The following CTDP1 variants were observed in gnomAD, a reference collection of about 807,000 sequenced individuals.
The protein encoded by CTDP1 is CTD phosphatase 1, also known as RNA polymerase II subunit A C-terminal domain phosphatase.
A neutral mutation model predicts 91.8 loss-of-function variants in CTDP1; 47 were observed. That is an observed-to-expected ratio of 0.51 (90% confidence interval 0.41 to 0.65). The LOEUF (loss-of-function observed/expected upper bound fraction) is 0.65, where lower values mean the gene tolerates loss of function less well. Ranked by LOEUF, CTDP1 falls within the 30% of genes least tolerant of loss-of-function variation. The pLI, the probability that CTDP1 is intolerant of heterozygous loss-of-function variation, is 0.00. For synonymous variants in CTDP1, 656 were observed against 598.5 expected (o/e 1.10, Z -1.40); for missense variants, 1,272 against 1,373.7 (o/e 0.93, Z 1.17).
chr18:79,680,349 G>T lies in CTDP1; in HGVS notation c.314+88G>T, dbSNP rs1435035752. On this transcript the variant is annotated intron_variant, in intron 1 of 12. Transcript: ENST00000613122. ...CCCCGGGCTGCTGCGTCCGCGGTGG[G>T]CAGGGGCGCCCCTGGTGAGGGAGCG... is the stretch of plus-strand genomic sequence containing the variant. 12 of 1,096,278 alleles carry T rather than the reference G, an allele frequency of 1.1e-5. No homozygotes were observed. In the South Asian group the frequency reaches 1.2e-4, roughly 11 times the overall value. The allele number at this position is 1,096,278 out of a possible 1,614,324, so 67.9% of individuals were successfully genotyped here.
intron 11 of CTDP1, 98 bp downstream of exon 11, chr18:79,729,167 C>T: frequency 5.3e-6 from 8 of 1,499,176 alleles, no homozygotes; most frequent in Non-Finnish European, 7.4e-6. Context: ...CACCTGGAGG[C>T]CGAGCTAGAG....
In CTDP1 at chr18:79,729,024, G is replaced by A. The variant is rs377764231; in HGVS notation, c.2535G>A (p.Pro845=). The change falls in exon 11 of 13, where the codon CCG becomes CCA. Residue 845 remains proline (P), a synonymous_variant. Coordinates refer to ENST00000613122, the MANE Select transcript of CTDP1 (RefSeq NM_004715.5). ...KRQPSMSETM[P]LYTLCKEDLE... ...AGCCCAGTATGTCTGAGACAATGCCGCTGTACACTCTTTGTAAGGAGGATT... is the reference window on the plus strand; with the variant it reads ...AGCCCAGTATGTCTGAGACAATGCCACTGTACACTCTTTGTAAGGAGGATT... 1.0e-4 allele frequency: 166 copies of A among 1,613,904 alleles called. 2 individuals carry two copies. In the South Asian group the frequency reaches 1.6e-3, roughly 16 times the overall value.
chr18:79,688,572 G>C (rs1484461690), intron 1 of CTDP1, among the ~76,000 whole-genome samples: 2 of 151,330 alleles, frequency 1.3e-5, no homozygotes, highest in African/African-American at 4.9e-5. Context: ...ACTAATTTTT[G>C]TATTTTTAGT....
chr18:79,747,344 A>G (rs2086901685), intron 12 of CTDP1, among the ~76,000 whole-genome samples: 2 of 152,104 alleles, frequency 1.3e-5, no homozygotes, highest in South Asian at 4.1e-4. Flanking sequence ...GAGCATGACA[A>G]TGTTCACACC....
chr18:79,698,440 C>T (rs2085790991), intron 4 of CTDP1, among the ~76,000 whole-genome samples: 1 of 152,082 alleles, frequency 6.6e-6, no homozygotes. Context: ...GAGGAAAAGC[C>T]TGGGTGGGAG....
intron 12 of CTDP1, among the ~76,000 whole-genome samples, chr18:79,744,632 G>C (rs1344479585): frequency 6.6e-6 from 1 of 152,222 alleles, no homozygotes; most frequent in Non-Finnish European, 1.5e-5. Flanking sequence ...GCTTTATAAT[G>C]ATAACGGATG....
At chr18:79,698,060 T>G (rs1229643037) in intron 4 of CTDP1, 72 bp downstream of exon 4, 1 of 1,586,308 alleles carries the variant, frequency 6.3e-7, no homozygotes, top group African/African-American at 1.3e-5. Context: ...CAGAAGTGTG[T>G]TCTCTTGTTT....
rs1279963716 is a variant in CTDP1 at position 79,695,101 on chromosome 18, A to T, written c.315-124A>T. On this transcript the variant is annotated intron_variant, in intron 1 of 12. Transcript: ENST00000613122. ...CCTCAAGGGGTGATGTCACCTGCCT[A>T]CAAAGTTATGCAAGGGTTAGTGTAG... 6 of 862,706 alleles carry T rather than the reference A, an allele frequency of 7.0e-6. No homozygotes were observed. The Admixed American group carries it at 1.0e-4, about 14-fold the overall frequency. The allele number at this position is 862,706 out of a possible 1,614,324, so 53.4% of individuals were successfully genotyped here. A position where few individuals can be genotyped will look rare whatever the true frequency, so the allele number is the denominator to read the frequency against.
At chr18:79,712,844 G>A in intron 6 of CTDP1, 128 bp from the exon 7 acceptor site, 1 of 970,378 alleles carries the variant, frequency 1.0e-6, no homozygotes, top group Non-Finnish European at 1.6e-6. Context: ...GGCGGTTGGT[G>A]TCCGTCTGAT....
intron 12 of CTDP1, among the ~76,000 whole-genome samples, chr18:79,742,310 G>A (rs1461285788): frequency 6.6e-6 from 1 of 151,724 alleles, no homozygotes; most frequent in Non-Finnish European, 1.5e-5. Flanking sequence ...GGCAGCAGAG[G>A]AGGCATGAGG....
At chr18:79,724,170 A>G (rs1461791650) in intron 10 of CTDP1, among the ~76,000 whole-genome samples, 1 of 152,258 alleles carries the variant, frequency 6.6e-6, no homozygotes, top group African/African-American at 2.4e-5. Flanking sequence ...TCATCAGAGC[A>G]TTCGGATTTG....
intron 4 of CTDP1, among the ~76,000 whole-genome samples, 160 bp from the exon 5 acceptor site, chr18:79,704,607 C>T (rs1024345708): frequency 1.3e-4 from 19 of 151,304 alleles, no homozygotes; most frequent in African/African-American, 2.7e-4. Flanking sequence ...CTCAGGCACC[C>T]GTGTGTCTTC....
Position 79,696,082 on chromosome 18 carries a change from A to T in CTDP1, c.492+12A>T. 6.2e-7 allele frequency: 1 copy of T among 1,609,124 alleles called. No individual in the cohort carries two copies. The highest frequency in any genetic ancestry group is 8.5e-7 in the Non-Finnish European group (1 of 1,179,468). On this transcript the variant is annotated intron_variant, in intron 3 of 12. Transcript: ENST00000613122. ...TGGTGAGCTCCGAGGTGAGCCGGGC[A>T]TCAGTGGCGGCGTGTTGGGGAAGCG...
rs535029110 is a variant in CTDP1 at position 79,754,122 on chromosome 18, A to T, written c.*332A>T. On this transcript the variant is annotated 3_prime_UTR_variant, in exon 13 of 13. Transcript: ENST00000613122. The stretch of plus-strand genomic sequence containing the variant: ...GTTTTCCCCTTGTGTACCAGAGCAC[A>T]TTCCTTAGGGGACGGCTTTGGGGGT... 5.1e-6 allele frequency: 2 copies of T among 395,548 alleles called. No individual in the cohort carries two copies. Among genetic ancestry groups the T allele is most frequent in the Non-Finnish European group, 9.6e-6 (2 of 207,844 alleles). The allele number at this position is 395,548 out of a possible 1,614,324, so 24.5% of individuals were successfully genotyped here. A position where few individuals can be genotyped will look rare whatever the true frequency, so the allele number is the denominator to read the frequency against.
In CTDP1 at chr18:79,713,953, C is replaced by T. The variant is rs1387977765; in HGVS notation, c.1031-538C>T. On this transcript the variant is annotated intron_variant, in intron 7 of 12. Transcript: ENST00000613122. This position sits in a 1 kb window ranked among gnomAD's most constrained non-coding sequence, Gnocchi z 4.7. ...GTGGCGCCAGGTCTGCAGGGGCTTA[C>T]GGCCACGGTGGCGCCAGGTCTGCAG... Among the ~76,000 whole-genome samples the T allele has an allele frequency of 1.4e-5, 2 of 143,308 alleles. No homozygotes were observed. Among genetic ancestry groups the T allele is most frequent in the Admixed American group, 6.8e-5 (1 of 14,634 alleles). 94.0% of individuals were successfully genotyped at this position (143,308 alleles called of 152,430 possible).
At position 79,713,460 on chromosome 18, in the gene CTDP1, A is replaced by G. The variant is rs529133331; in HGVS notation, c.1030+322A>G. Among the ~76,000 whole-genome samples the G allele has an allele frequency of 7.6e-4, 115 of 152,264 alleles. 1 individual carries two copies. The highest frequency in any genetic ancestry group is 2.5e-3 in the African/African-American group (102 of 41,552). ...TAAACACATCCCTGGGTATTGGGCC[A>G]TAGTGTTCTGTAGAGAGAGTGAATG... On this transcript the variant is annotated intron_variant, in intron 7 of 12. Transcript: ENST00000613122. This position sits in a 1 kb window ranked among gnomAD's most constrained non-coding sequence, Gnocchi z 4.7.
intron 5 of CTDP1, among the ~76,000 whole-genome samples, chr18:79,705,425 C>T (rs561199281): frequency 7.9e-5 from 12 of 152,298 alleles, no homozygotes; most frequent in East Asian, 5.8e-4. Context: ...GACAGTGCCA[C>T]GGGACGGTGA....
At chr18:79,743,681 T>C (rs1351825407) in intron 12 of CTDP1, among the ~76,000 whole-genome samples, 1 of 152,226 alleles carries the variant, frequency 6.6e-6, no homozygotes, top group Non-Finnish European at 1.5e-5. Flanking sequence ...GAGGAGGGGC[T>C]GAGCTGTGCA....
intron 12 of CTDP1, among the ~76,000 whole-genome samples, chr18:79,738,010 G>A (rs1365613300): frequency 1.9e-4 from 8 of 42,576 alleles, no homozygotes; most frequent in African/African-American, 6.9e-4. Flanking sequence ...GGCCTCCCCC[G>A]CAGGTCCCCG....
Sources: allele counts gnomAD v4.1 joint callset (sites outside exome capture counted in the v4.1 genomes callset), GRCh38; gene constraint gnomAD v4.1.1; non-coding constraint Gnocchi (gnomAD v3.1); transcripts MANE v1.5; gene names NCBI Gene and HGNC (gene_info 2026-07-23, HGNC 2026-07-21).